The following APOBEC3D variants were observed in gnomAD, a reference collection of about 807,000 sequenced individuals.
APOBEC3D encodes the protein apolipoprotein B mRNA editing enzyme catalytic subunit 3D.
Under a neutral mutation model 45.6 loss-of-function variants are expected in APOBEC3D, and 37 were observed. The observed-to-expected ratio is 0.81, with a 90% CI of 0.62 to 1.07. The LOEUF (loss-of-function observed/expected upper bound fraction) is 1.07. APOBEC3D is among the 50% of genes least tolerant of loss of function. The pLI is 0.00. For missense variants in APOBEC3D, 496 were observed against 495.3 expected, an observed-to-expected ratio of 1.00 and a Z score of -0.01; for synonymous variants, 175 against 180.7, an observed-to-expected ratio of 0.97 and a Z score of 0.25.
intron 4 of APOBEC3D, among the ~76,000 whole-genome samples, chr22:39,028,472 A>T (rs1045254399): frequency 6.6e-6 from 1 of 152,242 alleles, no homozygotes; most frequent in Non-Finnish European, 1.5e-5. Context: ...GGCCTCAGGC[A>T]CATGCCATGA....
At chr22:39,026,026 C>T (rs565855926) in intron 4 of APOBEC3D, among the ~76,000 whole-genome samples, 4 of 152,320 alleles carry the variant, frequency 2.6e-5, no homozygotes, top group South Asian at 2.1e-4. Context: ...GTCACAAGCC[C>T]GACAGTCGGA....
intron 4 of APOBEC3D, among the ~76,000 whole-genome samples, chr22:39,027,709 G>A (rs1925813287): frequency 6.6e-6 from 1 of 152,180 alleles, no homozygotes; most frequent in African/African-American, 2.4e-5. Context: ...GGCCCTGCTG[G>A]GCCTCAGCCC....
intron 1 of APOBEC3D, 88 bp downstream of exon 1, chr22:39,021,624 C>G (rs1281913827): frequency 1.9e-6 from 3 of 1,577,482 alleles, no homozygotes; most frequent in South Asian, 1.1e-5. Flanking sequence ...TCCCCCTGCC[C>G]CAGCCCCAGC....
Position 39,021,341 on chromosome 22 carries a change from C to G in APOBEC3D, c.-179C>G, listed in dbSNP as rs1333075722. 4.2e-6 allele frequency: 3 copies of G among 711,296 alleles called. No individual in the cohort carries two copies. The highest frequency in any genetic ancestry group is 7.3e-6 in the Non-Finnish European group (3 of 412,306). The allele number at this position is 711,296 out of a possible 1,614,324, so 44.1% of individuals were successfully genotyped here. ...CAGGCTGGTCTCGAACTCCTGACCT[C>G]GTGATCCGCCCGCCTCGGCCTCCCA... On this transcript the variant is annotated 5_prime_UTR_variant, in exon 1 of 7. Transcript: ENST00000216099.
chr22:39,032,162 T>C, intron 6 of APOBEC3D, 36 bp from the exon 7 acceptor site: 2 of 1,609,148 alleles, frequency 1.2e-6, no homozygotes, highest in Non-Finnish European at 8.5e-7. Context: ...AGAGGCTTGC[T>C]GGGCCCTCAC....
chr22:39,022,257 G>A (rs1217959470), intron 1 of APOBEC3D, among the ~76,000 whole-genome samples: 1 of 152,216 alleles, frequency 6.6e-6, no homozygotes, highest in Non-Finnish European at 1.5e-5. Context: ...TGCTCCAACT[G>A]TCCCCAGCTC....
At chr22:39,029,567 G>A (rs1926002850) in intron 5 of APOBEC3D, 48 bp downstream of exon 5, 5 of 1,607,494 alleles carry the variant, frequency 3.1e-6, no homozygotes, top group Non-Finnish European at 3.4e-6. Context: ...TAAGCAGCTG[G>A]GAACGCAGAA....
rs187573806 is a variant in APOBEC3D, at chr22:39,030,736, C to G, written c.763-958C>G. Among the ~76,000 whole-genome samples, 139 of 152,216 alleles carry G rather than the reference C, an allele frequency of 9.1e-4. 3 individuals are homozygous for G. The East Asian group carries it at 0.024, about 26-fold the overall frequency. On this transcript the variant is annotated intron_variant, in intron 5 of 6. Coordinates refer to ENST00000216099, the MANE Select transcript of APOBEC3D (RefSeq NM_152426.4). ...GAAGGCAGACAGGGGACAAGGCAGA[C>G]CCCATAGGACCAGGCCACAGCAGGG...
chr22:39,027,748 C>T (rs1319663090), intron 4 of APOBEC3D, among the ~76,000 whole-genome samples: 2 of 152,206 alleles, frequency 1.3e-5, no homozygotes, highest in Non-Finnish European at 2.9e-5. Flanking sequence ...GCCCTGGGCT[C>T]CCTCCCCTCT....
chr22:39,031,543 T>C (rs568130501), intron 5 of APOBEC3D, 151 bp from the exon 6 acceptor site: 103 of 1,227,478 alleles, frequency 8.4e-5, no homozygotes, highest in South Asian at 4.5e-4. Context: ...GCACCCCAGC[T>C]TGGGCAACAG....
chr22:39,022,760 A>C (rs1181903373), intron 1 of APOBEC3D, 62 bp from the exon 2 acceptor site: 1 of 1,555,630 alleles, frequency 6.4e-7, no homozygotes, highest in Non-Finnish European at 8.7e-7. Context: ...TTCAGTGGAC[A>C]TGAGCCCCGA....
rs1195877083 is a variant in APOBEC3D, at chr22:39,025,195, T to C, written c.336T>C (p.Cys112=). 1 of 1,613,414 alleles carries C rather than the reference T, an allele frequency of 6.2e-7. No individual in the cohort carries two copies. The highest frequency in any genetic ancestry group is 1.1e-5 in the South Asian group (1 of 90,974). ...TATCATGGAACCCCTGCCTGCCCTG[T>C]GTGGTGAAGGTGACCAAATTCTTGG... ...WFVSWNPCLP[C]VVKVTKFLAE... The change falls in exon 3 of 7, where the codon TGT becomes TGC. Residue 112 remains cysteine (C), a synonymous_variant. Transcript: ENST00000216099.
chr22:39,024,448 G>A (rs962784185), intron 2 of APOBEC3D, among the ~76,000 whole-genome samples: 1 of 152,224 alleles, frequency 6.6e-6, no homozygotes, highest in African/African-American at 2.4e-5. Context: ...ACAGGGCTGG[G>A]AAAACTTCCA....
At chr22:39,029,221 C>T (rs746588206) in intron 4 of APOBEC3D, 142 bp from the exon 5 acceptor site, 2 of 980,044 alleles carry the variant, frequency 2.0e-6, no homozygotes, top group African/African-American at 1.6e-5. Flanking sequence ...TCCCAGTCTT[C>T]CTGCCTGGGA....
intron 6 of APOBEC3D, 91 bp downstream of exon 6, chr22:39,032,064 C>T (rs1926278305): frequency 7.6e-6 from 12 of 1,589,294 alleles, no homozygotes; most frequent in South Asian, 6.9e-5. Context: ...GGCAGTGTCC[C>T]CGGGAAGCCT....
At chr22:39,025,756 G>C (rs1925591563) in intron 4 of APOBEC3D, 85 bp downstream of exon 4, 2 of 1,601,548 alleles carry the variant, frequency 1.2e-6, no homozygotes, top group East Asian at 4.5e-5. Context: ...GGGCCCTCCT[G>C]CCCTCCGTCC....
At position 39,029,434 on chromosome 22, in the gene APOBEC3D, G is replaced by C. The variant is rs367561607; in HGVS notation, c.677G>C (p.Arg226Pro). The change falls in exon 5 of 7, where the codon CGG (arginine) becomes CCG (proline). Residue 226 changes from arginine to proline, a missense_variant. By Grantham distance (103) the Arg-to-Pro change is moderately radical. Coordinates refer to ENST00000216099, the MANE Select transcript of APOBEC3D (RefSeq NM_152426.4). ...HFKNLLKACG[R>P]NESWLCFTME... ...AAAAACCTACTGAAAGCCTGTGGTC[G>C]GAACGAAAGCTGGCTGTGCTTCACC... 3.3e-5 allele frequency: 53 copies of C among 1,614,146 alleles called. 1 individual carries two copies. In the African/African-American group the frequency reaches 6.5e-4, roughly 20 times the overall value.
chr22:39,021,596 T>C (rs1603274759), intron 1 of APOBEC3D, 60 bp downstream of exon 1: 1 of 1,611,500 alleles, frequency 6.2e-7, no homozygotes, highest in South Asian at 1.1e-5. Flanking sequence ...GTGGTCCTGC[T>C]GGGCCTCAGC....
At position 39,025,669 on chromosome 22, in the gene APOBEC3D, C is replaced by T. The variant is rs766147548; in HGVS notation, c.603C>T (p.Leu201=). 20 of 1,614,018 alleles carry T rather than the reference C, an allele frequency of 1.2e-5. No individual in the cohort carries two copies. Among genetic ancestry groups the T allele is most frequent in the Admixed American group, 1.7e-5 (1 of 59,998 alleles). The part of the protein sequence containing the change: ...ASLHRTLKEI[L]RNPMEAMYPH... ...TGCACCGCACGCTAAAGGAGATTCT[C>T]AGGTGAGGGTCTCCCTCTGGCCTCA... Residue 201 remains leucine (L), a splice_region_variant and synonymous_variant, in exon 4 of 7, where the codon CTC becomes CTT. Coordinates refer to ENST00000216099, the MANE Select transcript of APOBEC3D (RefSeq NM_152426.4).
Sources: gnomAD v4.1 joint callset for allele counts (sites outside exome capture counted in the v4.1 genomes callset) on GRCh38, gnomAD v4.1.1 for gene constraint, MANE v1.5 for transcripts, NCBI Gene and HGNC (gene_info 2026-07-23, HGNC 2026-07-21) for gene names.